Variants in NOVA1 observed in about 807,000 individuals in gnomAD.
NOVA1 encodes the protein NOVA alternative splicing regulator 1.
Under a neutral mutation model 38.0 loss-of-function variants are expected in NOVA1, and 7 were observed. The ratio of observed to expected loss-of-function variants is 0.18; its 90% confidence interval spans 0.10 to 0.35. The LOEUF is 0.35. Among genes scored for constraint, NOVA1 ranks in the 10% least tolerant of loss-of-function variants. The pLI, the probability that NOVA1 is intolerant of heterozygous loss-of-function variation, is 1.00. For missense variants in NOVA1, 460 were observed against 616.0 expected (o/e 0.75, Z 2.68); for synonymous variants, 270 against 232.5 (o/e 1.16, Z -1.47).
chr14:26,529,895 T>G (rs1400473449), intron 2 of NOVA1, among the ~76,000 whole-genome samples: 10 of 152,160 alleles, frequency 6.6e-5, no homozygotes, highest in Admixed American at 5.9e-4. Flanking sequence ...CCCCTCCTTT[T>G]GCTGTCTATG....
intron 2 of NOVA1, among the ~76,000 whole-genome samples, chr14:26,502,122 G>A (rs1594415218): frequency 1.3e-5 from 2 of 151,878 alleles, no homozygotes; most frequent in Non-Finnish European, 2.9e-5. Context: ...GAAACTGTAA[G>A]AGGAACTAAC....
At chr14:26,453,586 C>T (rs938729393) in intron 4 of NOVA1, among the ~76,000 whole-genome samples, 2 of 151,952 alleles carry the variant, frequency 1.3e-5, no homozygotes, top group African/African-American at 2.4e-5. Flanking sequence ...TTTAAAAATA[C>T]CACATAAACT....
rs1181584902 is a variant in NOVA1, at chr14:26,445,642, G to A, written c.*2317C>T. 2 of 152,096 alleles carry A rather than the reference G, an allele frequency of 1.3e-5. No homozygotes were observed. Among genetic ancestry groups the A allele is most frequent in the Admixed American group, 6.6e-5 (1 of 15,248 alleles). The allele number at this position is 152,096 out of a possible 1,614,324, so 9.4% of individuals were successfully genotyped here. A position where few individuals can be genotyped will look rare whatever the true frequency, so the allele number is the denominator to read the frequency against. Reference sequence around the variant, plus strand: ...TGGAATTTTGAAATAAAAGATCGAAGATTTGCTAAGACTGAACAAAACATT... The same window carrying A: ...TGGAATTTTGAAATAAAAGATCGAAAATTTGCTAAGACTGAACAAAACATT... On this transcript the variant is annotated 3_prime_UTR_variant, in exon 5 of 5. Coordinates refer to ENST00000539517, the MANE Select transcript of NOVA1 (RefSeq NM_002515.3).
chr14:26,459,860 T>C (rs1194681899), intron 4 of NOVA1, among the ~76,000 whole-genome samples: 3 of 152,064 alleles, frequency 2.0e-5, no homozygotes, highest in African/African-American at 4.8e-5. Context: ...AGGAAAACTT[T>C]CACAATTTGG....
intron 2 of NOVA1, among the ~76,000 whole-genome samples, chr14:26,551,551 T>C (rs1314682012): frequency 1.3e-5 from 2 of 152,092 alleles, no homozygotes; most frequent in East Asian, 3.8e-4. Context: ...TCCTGCCACA[T>C]ACCTATGGAT....
intron 4 of NOVA1, among the ~76,000 whole-genome samples, chr14:26,457,000 G>C (rs1883238006): frequency 6.6e-6 from 1 of 151,676 alleles, no homozygotes; most frequent in South Asian, 2.1e-4. Context: ...TGTAGTTTGG[G>C]TTAAATAATG....
intron 2 of NOVA1, among the ~76,000 whole-genome samples, chr14:26,500,305 G>A (rs1887155258): frequency 6.6e-6 from 1 of 152,038 alleles, no homozygotes; most frequent in Admixed American, 6.6e-5. Context: ...AAATATTTGT[G>A]ATTTAGTAAC....
At position 26,472,345 on chromosome 14, in the gene NOVA1, G is replaced by T. The variant is rs752960890; in HGVS notation, c.494C>A (p.Pro165His). ...CTGATTAGCTCTGGAGGTGGTCATG[G>T]GATCAGATGGAGAGGACTTGGTGGT... is the stretch of plus-strand genomic sequence containing the variant. ...PTTTKSSPSD[P>H]MTTSRANQVK... The change falls in exon 4 of 5, where the codon CCC (proline) becomes CAC (histidine). Residue 165 changes from proline (P) to histidine (H), a missense_variant. Physicochemically the swap from Pro to His is moderately conservative, Grantham distance 77. Transcript: ENST00000539517. The T allele has an allele frequency of 3.1e-6, 5 of 1,593,990 alleles. No individual in the cohort carries two copies. The African/African-American group carries it at 6.7e-5, about 21-fold the overall frequency.
At chr14:26,548,301 C>T (rs1339291003) in intron 2 of NOVA1, among the ~76,000 whole-genome samples, 1 of 151,970 alleles carries the variant, frequency 6.6e-6, no homozygotes, top group Non-Finnish European at 1.5e-5. Context: ...ATTTCTTCTA[C>T]CTACCTCATT....
chr14:26,455,183 T>C (rs1276747513), intron 4 of NOVA1, among the ~76,000 whole-genome samples: 1 of 152,138 alleles, frequency 6.6e-6, no homozygotes, highest in Non-Finnish European at 1.5e-5. Flanking sequence ...TCTCATAAAA[T>C]ACCATGCCAC....
chr14:26,567,987 A>C (rs1892236978), intron 2 of NOVA1, among the ~76,000 whole-genome samples: 1 of 152,230 alleles, frequency 6.6e-6, no homozygotes, highest in Non-Finnish European at 1.5e-5. Context: ...CAACCAAACA[A>C]AAATACTGAT....
chr14:26,447,780 C>T lies in NOVA1; in HGVS notation c.*179G>A. On this transcript the variant is annotated 3_prime_UTR_variant, in exon 5 of 5. Coordinates refer to ENST00000539517, the MANE Select transcript of NOVA1 (RefSeq NM_002515.3). ...AAAACAGATCAAGAAAAAATTCTTT[C>T]TATGAAACATCTGGTAAAACACATA... is the stretch of plus-strand genomic sequence containing the variant. The T allele has an allele frequency of 1.6e-6, 1 of 612,328 alleles. No homozygotes were observed. The highest frequency in any genetic ancestry group is 2.9e-6 in the Non-Finnish European group (1 of 345,480). 37.9% of individuals were successfully genotyped at this position (612,328 alleles called of 1,614,324 possible). A position where few individuals can be genotyped will look rare whatever the true frequency, so the allele number is the denominator to read the frequency against.
chr14:26,568,726 T>C (rs1892287646), intron 2 of NOVA1, among the ~76,000 whole-genome samples: 1 of 152,128 alleles, frequency 6.6e-6, no homozygotes, highest in African/African-American at 2.4e-5. Context: ...ACCAAGGTAA[T>C]ATGATCTTTT....
rs928971596 is a variant in NOVA1 at position 26,490,878 on chromosome 14, C to T, written c.281-10735G>A. ...TTTTTTTTTTTTTTTGAGACGGAGT[C>T]TCGCTCTGTCGCCCAGGCTGGAGTG... On this transcript the variant is annotated intron_variant, in intron 2 of 4. Coordinates refer to ENST00000539517, the MANE Select transcript of NOVA1 (RefSeq NM_002515.3). 5.0e-5 allele frequency among the ~76,000 whole-genome samples: 6 copies of T among 120,312 alleles called. No homozygotes were observed. The Admixed American group carries it at 5.6e-4, about 11-fold the overall frequency. 78.9% of individuals were successfully genotyped at this position (120,312 alleles called of 152,430 possible). A position where few individuals can be genotyped will look rare whatever the true frequency, so the allele number is the denominator to read the frequency against.
intron 1 of NOVA1, 127 bp from the exon 2 acceptor site, chr14:26,595,680 A>C: frequency 1.4e-6 from 1 of 733,362 alleles, no homozygotes; most frequent in Non-Finnish European, 2.1e-6. Context: ...TATGAAGTTA[A>C]ACATTTTTTG....
Position 26,448,436 on chromosome 14 carries a change from A to G in NOVA1, c.1047T>C (p.Ala349=). The change falls in exon 5 of 5, where the codon GCT becomes GCC. Residue 349 remains alanine (A), a synonymous_variant. Transcript: ENST00000539517. This position sits in a 1 kb window ranked among gnomAD's most constrained non-coding sequence, Gnocchi z 5.3. ...CTGCTGCTGCTGGGTTGGCACTGGC[A>G]GCTGCTGCAGCCAAAGCCCCTGTTG... ...AAATGALAAA[A]ASANPAAAAA... The G allele has an allele frequency of 1.2e-6, 2 of 1,612,030 alleles. No individual in the cohort carries two copies. The highest frequency in any genetic ancestry group is 1.7e-6 in the Non-Finnish European group (2 of 1,179,526).
chr14:26,524,889 T>C (rs935485786), intron 2 of NOVA1, among the ~76,000 whole-genome samples: 10 of 152,178 alleles, frequency 6.6e-5, no homozygotes, highest in African/African-American at 1.2e-4. Context: ...TGGAACAGGG[T>C]ATTACAATCT....
chr14:26,572,777 T>C (rs1247897629), intron 2 of NOVA1, among the ~76,000 whole-genome samples: 3 of 151,486 alleles, frequency 2.0e-5, no homozygotes, highest in East Asian at 3.9e-4. Context: ...TGTGTGTCTG[T>C]ACGTTTAAAA....
chr14:26,493,752 T>C (rs566950322), intron 2 of NOVA1, among the ~76,000 whole-genome samples: 11 of 152,290 alleles, frequency 7.2e-5, no homozygotes, highest in Middle Eastern at 3.4e-3. Flanking sequence ...GTTTCCTGTA[T>C]ACTCTCCCTG....
Sources: gnomAD v4.1 joint callset for allele counts (sites outside exome capture counted in the v4.1 genomes callset) on GRCh38, gnomAD v4.1.1 for gene constraint, Gnocchi (gnomAD v3.1) non-coding constraint, MANE v1.5 for transcripts, NCBI Gene and HGNC (gene_info 2026-07-23, HGNC 2026-07-21) for gene names.